ZNF334: variants seen among roughly 807,000 people sequenced by gnomAD.
ZNF334 encodes zinc finger protein 334.
In ZNF334, 14 loss-of-function variants were observed where a neutral mutation model predicts 12.4. The ratio of observed to expected loss-of-function variants is 1.13; its 90% CI spans 0.74 to 1.76. The LOEUF is 1.76. Among genes scored for constraint, ZNF334 ranks in the 40% most tolerant of loss-of-function variants. The pLI is 0.00. For missense variants in ZNF334, 797 were observed against 804.5 expected (o/e 0.99, Z 0.11); for synonymous variants, 273 against 269.6 (o/e 1.01, Z -0.12).
At chr20:46,506,954 AT>A (rs59230600) in intron 2 of ZNF334, among the ~76,000 whole-genome samples, 36,856 of 146,784 alleles carry the variant, frequency 0.25, 5,183 homozygotes, top group African/African-American at 0.39. Context: ...TCTCAAAAAA[AT>A]TTTTTTTTTT....
chr20:46,469,252 T>A, the ZNF334 span, among the ~76,000 whole-genome samples: 279 of 151,936 alleles, frequency 1.8e-3, no homozygotes, highest in Non-Finnish European at 2.6e-3. Context: ...GACCAAAAAG[T>A]GAGTTAGGCA....
Position 46,502,821 on chromosome 20 carries a change from T to A in ZNF334, c.518A>T (p.Lys173Ile). ...GTATTTTTTCATTCCCAAATGACTT[T>A]TCTCATGCTTCCCAAATCCACTGTA... ...DGYSGFGKHE[K>I]SHLGMKKYRY... The change falls in exon 5 of 5, where the codon AAA becomes ATA. Residue 173 changes from lysine (K) to isoleucine (I), a missense_variant. Lys to Ile is a moderately radical substitution (Grantham distance 102, BLOSUM62 -3). Transcript: ENST00000692313. 6.2e-7 allele frequency: 1 copy of A among 1,614,012 alleles called. No individual in the cohort carries two copies. The highest frequency in any genetic ancestry group is 2.2e-5 in the East Asian group (1 of 44,866).
At chr20:46,463,695 C>CT in the ZNF334 span, 33,653 of 212,616 alleles carry the variant, frequency 0.16, 3,114 homozygotes, top group African/African-American at 0.26. Flanking sequence ...ATTTTTGAAA[C>CT]TTTTTTCCAC....
chr20:46,469,071 G>A, the ZNF334 span, among the ~76,000 whole-genome samples: 1 of 152,032 alleles, frequency 6.6e-6, no homozygotes, highest in Non-Finnish European at 1.5e-5. Context: ...GGGACTTATT[G>A]CTAATATTTT....
At chr20:46,488,047 T>C in the ZNF334 span, among the ~76,000 whole-genome samples, 1 of 152,126 alleles carries the variant, frequency 6.6e-6, no homozygotes. Flanking sequence ...ACAGCCCCCA[T>C]AACAAAGAAT....
chr20:46,499,001 C>T (rs201041175), downstream of ZNF334, among the ~76,000 whole-genome samples: 5 of 151,228 alleles, frequency 3.3e-5, no homozygotes, highest in African/African-American at 1.2e-4. Context: ...GGTGAAACCC[C>T]GTCTCTACTA....
At chr20:46,466,704 G>T in the ZNF334 span, among the ~76,000 whole-genome samples, 1 of 152,090 alleles carries the variant, frequency 6.6e-6, no homozygotes, top group Non-Finnish European at 1.5e-5. Context: ...AGCTGGTCTT[G>T]AACTCCTGAC....
chr20:46,481,796 A>C, the ZNF334 span, among the ~76,000 whole-genome samples: 3 of 152,360 alleles, frequency 2.0e-5, no homozygotes, highest in South Asian at 6.2e-4. Flanking sequence ...GTTGATGGGT[A>C]AACAGAAGAA....
rs1601025931 is a variant in ZNF334, at chr20:46,502,789, T to C, written c.550A>G (p.Asn184Asp). The C allele has an allele frequency of 1.7e-5, 28 of 1,613,874 alleles. No individual in the cohort carries two copies. In the East Asian group the frequency reaches 6.2e-4, roughly 36 times the overall value. Residue 184 changes from asparagine (N) to aspartate (D), a missense_variant, in exon 5 of 5, where the codon AAT (asparagine) becomes GAT (aspartate). Transcript: ENST00000692313. ...SHLGMKKYRY[N>D]PMRKASNQNE... ...TGATTGCTGGCTTTCCTCATTGGATTGTATCTGTATTTTTTCATTCCCAAA... is the reference window on the plus strand; with the variant it reads ...TGATTGCTGGCTTTCCTCATTGGATCGTATCTGTATTTTTTCATTCCCAAA...
At chr20:46,497,620 T>C (rs2061045410), downstream of ZNF334, among the ~76,000 whole-genome samples, 1 of 152,208 alleles carries the variant, frequency 6.6e-6, no homozygotes, top group South Asian at 2.1e-4. Flanking sequence ...TATAAAGATA[T>C]CAGTATATTA....
intron 2 of ZNF334, chr20:46,506,603 T>C: frequency 2.8e-6 from 1 of 355,238 alleles, no homozygotes; most frequent in Non-Finnish European, 5.0e-6. Flanking sequence ...TGGGTGACAG[T>C]GCAAGACCTC....
the ZNF334 span, among the ~76,000 whole-genome samples, chr20:46,467,653 G>A: frequency 6.6e-6 from 1 of 152,234 alleles, no homozygotes; most frequent in Non-Finnish European, 1.5e-5. Flanking sequence ...GCATTGTGGT[G>A]TTTGTCTAAG....
intron 2 of ZNF334, among the ~76,000 whole-genome samples, chr20:46,508,212 T>G (rs559469630): frequency 1.3e-5 from 2 of 152,198 alleles, no homozygotes; most frequent in Non-Finnish European, 2.9e-5. Flanking sequence ...CAGAGGAGAG[T>G]TCACCATTTC....
At chr20:46,509,377 G>C (rs1466992725) in intron 2 of ZNF334, among the ~76,000 whole-genome samples, 1 of 152,096 alleles carries the variant, frequency 6.6e-6, no homozygotes, top group Non-Finnish European at 1.5e-5. Flanking sequence ...GAGGGTGAGG[G>C]AAGTAAGGAA....
chr20:46,486,182 G>A, the ZNF334 span, among the ~76,000 whole-genome samples: 57 of 152,284 alleles, frequency 3.7e-4, no homozygotes, highest in Non-Finnish European at 7.5e-4. Context: ...AGATTCCATC[G>A]TTATTTTGTA....
chr20:46,506,872 G>T (rs1426243588), intron 2 of ZNF334, among the ~76,000 whole-genome samples: 2 of 152,106 alleles, frequency 1.3e-5, no homozygotes, highest in East Asian at 3.9e-4. Flanking sequence ...AGCACTTCGG[G>T]AGGCTGAGGT....
At chr20:46,499,261 G>A (rs1400116314), downstream of ZNF334, among the ~76,000 whole-genome samples, 3 of 151,118 alleles carry the variant, frequency 2.0e-5, no homozygotes, top group Non-Finnish European at 4.4e-5. Context: ...TAGGGAAGAG[G>A]CCTGGAACAG....
In ZNF334 at chr20:46,501,971, T is replaced by C; in HGVS notation, c.1368A>G (p.Arg456=). Residue 456 remains arginine, a synonymous_variant, in exon 5 of 5, where the codon AGA becomes AGG. Coordinates refer to ENST00000692313, the MANE Select transcript of ZNF334 (RefSeq NM_001353824.2). ...SALIAHQITH[R]GKKSYECNEC... ...CATTACATTCATAAGACTTCTTTCC[T>C]CTATGAGTTATCTGATGTGCAATGA... 6.2e-7 allele frequency: 1 copy of C among 1,614,010 alleles called. No homozygotes were observed. The highest frequency in any genetic ancestry group is 8.5e-7 in the Non-Finnish European group (1 of 1,180,032).
intron 2 of ZNF334, among the ~76,000 whole-genome samples, chr20:46,511,458 A>G (rs1226864576): frequency 6.6e-6 from 1 of 152,212 alleles, no homozygotes; most frequent in Non-Finnish European, 1.5e-5. Flanking sequence ...CAGACACCAG[A>G]CTGTATCAAG....
Sources: gnomAD v4.1 joint callset for allele counts (sites outside exome capture counted in the v4.1 genomes callset) on GRCh38, gnomAD v4.1.1 for gene constraint, MANE v1.5 for transcripts, NCBI Gene and HGNC (gene_info 2026-07-23, HGNC 2026-07-21) for gene names.